TIAM2: variants seen among roughly 807,000 people sequenced by gnomAD.
The protein encoded by TIAM2 is rho guanine nucleotide exchange factor TIAM2.
TIAM2 carries 80 observed loss-of-function variants against 152.9 expected under a neutral mutation model. The ratio of observed to expected loss-of-function variants is 0.52; its 90% confidence interval spans 0.44 to 0.63. The LOEUF (loss-of-function observed/expected upper bound fraction) is 0.63. TIAM2 is among the 30% of genes least tolerant of loss of function. The pLI is 0.00. For synonymous variants in TIAM2, 804 were observed against 838.0 expected, an observed-to-expected ratio of 0.96 and a Z score of 0.70; for missense variants, 1,965 against 2,120.1, an observed-to-expected ratio of 0.93 and a Z score of 1.44.
At chr6:155,233,995 A>AT (rs146187999) in intron 15 of TIAM2, among the ~76,000 whole-genome samples, 9,752 of 108,702 alleles carry the variant, frequency 0.09, 537 homozygotes, top group East Asian at 0.3. Flanking sequence ...TTGAGAGAAA[A>AT]TTTTTTTTGG....
intron 1 of TIAM2, among the ~76,000 whole-genome samples, chr6:155,018,664 TCCCTC>T (rs1562291206): frequency 2.0e-3 from 3 of 1,522 alleles, no homozygotes; most frequent in Non-Finnish European, 3.5e-3. Context: ...TCTCTCCCTT[TCCCTC>T]CCCTCCCCTC....
intron 15 of TIAM2, among the ~76,000 whole-genome samples, chr6:155,222,068 C>T (rs1782064201): frequency 6.6e-6 from 1 of 151,908 alleles, no homozygotes; most frequent in Non-Finnish European, 1.5e-5. Flanking sequence ...ATTCTTATGC[C>T]TCAGCCTCCT....
chr6:155,053,992 G>GT (rs1478532731), intron 1 of TIAM2, among the ~76,000 whole-genome samples: 2 of 151,776 alleles, frequency 1.3e-5, no homozygotes, highest in Non-Finnish European at 2.9e-5. Context: ...AACCAACATG[G>GT]TGAATCCCTG....
chr6:155,102,769 G>T (rs78947290), intron 2 of TIAM2, among the ~76,000 whole-genome samples: 18 of 10,672 alleles, frequency 1.7e-3, no homozygotes, highest in East Asian at 0.012. Context: ...TTAATTTATT[G>T]TGTGTGTGTG....
At chr6:155,181,595 T>A (rs757534656) in intron 12 of TIAM2, among the ~76,000 whole-genome samples, 10 of 152,210 alleles carry the variant, frequency 6.6e-5, no homozygotes, top group Non-Finnish European at 1.5e-4. Context: ...CTTGTAAAGC[T>A]GAACTCTGTA....
At chr6:155,211,470 A>AT (rs1435805638) in intron 15 of TIAM2, among the ~76,000 whole-genome samples, 163 bp downstream of exon 15, 2 of 151,720 alleles carry the variant, frequency 1.3e-5, no homozygotes, top group African/African-American at 2.4e-5. Context: ...TTATTTATGT[A>AT]TTTTTTTGAA....
intron 1 of TIAM2, among the ~76,000 whole-genome samples, chr6:155,015,432 C>A (rs1358677435): frequency 6.6e-6 from 1 of 152,026 alleles, no homozygotes; most frequent in Non-Finnish European, 1.5e-5. Flanking sequence ...AGATTCATCT[C>A]TTAGAGGGGA....
intron 2 of TIAM2, among the ~76,000 whole-genome samples, chr6:155,092,535 A>T (rs1778328436): frequency 2.0e-5 from 3 of 152,062 alleles, no homozygotes; most frequent in Non-Finnish European, 4.4e-5. Context: ...TTTAGTATAT[A>T]CTCAGATTTT....
chr6:155,071,381 C>T (rs774156016), intron 1 of TIAM2, among the ~76,000 whole-genome samples: 5 of 152,118 alleles, frequency 3.3e-5, no homozygotes, highest in Non-Finnish European at 7.4e-5. Context: ...ACTTATTAAA[C>T]GTTAAGATGA....
chr6:155,012,193 C>G (rs1778501372), intron 1 of TIAM2, among the ~76,000 whole-genome samples: 1 of 152,144 alleles, frequency 6.6e-6, no homozygotes, highest in Non-Finnish European at 1.5e-5. Context: ...AGTTTATGTT[C>G]AAACCTTGTT....
At chr6:155,168,676 C>G (rs75082121) in intron 9 of TIAM2, among the ~76,000 whole-genome samples, 3 of 152,078 alleles carry the variant, frequency 2.0e-5, no homozygotes, top group Non-Finnish European at 4.4e-5. Context: ...TAAAACGTAA[C>G]TATGCGGGAA....
chr6:155,252,534 T>C (rs1783728214), intron 23 of TIAM2, among the ~76,000 whole-genome samples: 1 of 152,132 alleles, frequency 6.6e-6, no homozygotes, highest in Admixed American at 6.5e-5. Context: ...GAACATCGAC[T>C]TTTATATCCC....
At chr6:155,247,051 C>T (rs968413098) in intron 19 of TIAM2, among the ~76,000 whole-genome samples, 5 of 152,316 alleles carry the variant, frequency 3.3e-5, no homozygotes, top group Admixed American at 2.6e-4. Flanking sequence ...CAGAGAGGGT[C>T]CTACTGCCAT....
At chr6:155,035,230 T>C (rs1222828830) in intron 1 of TIAM2, among the ~76,000 whole-genome samples, 1 of 151,844 alleles carries the variant, frequency 6.6e-6, no homozygotes, top group Non-Finnish European at 1.5e-5. Flanking sequence ...CGTCCTATTT[T>C]TTTTTTTTTT....
chr6:155,172,651 T>C lies in TIAM2; in HGVS notation c.2362-4165T>C, dbSNP rs1205134019. 6.4e-3 allele frequency among the ~76,000 whole-genome samples: 95 copies of C among 14,826 alleles called. 3 individuals are homozygous for C. The highest frequency in any genetic ancestry group is 0.024 in the African/African-American group (91 of 3,864). The allele number at this position is 14,826 out of a possible 152,430, so 9.7% of individuals were successfully genotyped here. Reference sequence around the variant, plus strand: ...AAGAGGCTAGTTGGAAATATATATATATATATATATATATATATATATATA... The same window carrying C: ...AAGAGGCTAGTTGGAAATATATATACATATATATATATATATATATATATA... On this transcript the variant is annotated intron_variant, in intron 9 of 26. Transcript: ENST00000682666.
At chr6:155,085,158 T>C (rs557729381) in intron 1 of TIAM2, among the ~76,000 whole-genome samples, 1 of 152,270 alleles carries the variant, frequency 6.6e-6, no homozygotes, top group African/African-American at 2.4e-5. Context: ...CTTACAAACA[T>C]TGAGTCGAAT....
At chr6:155,073,038 A>G (rs188565733) in intron 1 of TIAM2, among the ~76,000 whole-genome samples, 171 of 152,244 alleles carry the variant, frequency 1.1e-3, no homozygotes, top group African/African-American at 4.0e-3. Flanking sequence ...GAGACCATTT[A>G]TAAATTGGTG....
intron 1 of TIAM2, among the ~76,000 whole-genome samples, chr6:155,085,824 T>C (rs888831262): frequency 1.6e-4 from 25 of 152,372 alleles, no homozygotes; most frequent in African/African-American, 5.5e-4. Context: ...TTGATGACTC[T>C]GTCCACACGT....
intron 1 of TIAM2, among the ~76,000 whole-genome samples, chr6:155,062,307 A>G (rs979229495): frequency 2.6e-5 from 4 of 152,168 alleles, no homozygotes; most frequent in Admixed American, 6.5e-5. Flanking sequence ...AATTGTGTGC[A>G]GGTTTTTGCA....
Sources: gnomAD v4.1 joint callset for allele counts (sites outside exome capture counted in the v4.1 genomes callset) on GRCh38, gnomAD v4.1.1 for gene constraint, MANE v1.5 for transcripts, NCBI Gene and HGNC (gene_info 2026-07-23, HGNC 2026-07-21) for gene names.